The following NFYC variants were observed in gnomAD, a reference collection of about 807,000 sequenced individuals.
The protein encoded by NFYC is CAAT box DNA-binding protein subunit C.
A neutral mutation model predicts 53.1 loss-of-function variants in NFYC; 25 were observed. That is an observed-to-expected ratio of 0.47 (90% CI 0.34 to 0.66). The LOEUF (loss-of-function observed/expected upper bound fraction) is 0.66. Ranked by LOEUF, NFYC falls within the 30% of genes least tolerant of loss-of-function variation. NFYC has a pLI of 0.01. For synonymous variants in NFYC, 145 were observed against 152.6 expected, an observed-to-expected ratio of 0.95 and a Z score of 0.37; for missense variants, 260 against 422.7, an observed-to-expected ratio of 0.62 and a Z score of 3.38.
intron 1 of NFYC, among the ~76,000 whole-genome samples, chr1:40,738,485 T>A (rs981392436): frequency 6.6e-6 from 1 of 152,212 alleles, no homozygotes; most frequent in Non-Finnish European, 1.5e-5. Context: ...TTGAAAATTA[T>A]GGGCTAGACT....
intron 6 of NFYC, among the ~76,000 whole-genome samples, chr1:40,759,590 T>TTATATATGTGTGTA (rs1553161311): frequency 1.3e-5 from 2 of 151,664 alleles, no homozygotes; most frequent in African/African-American, 4.8e-5. Context: ...TGTGTGTGTA[T>TTATATATGTGTGTA]TATATATGTG....
chr1:40,737,805 T>G (rs372076684), intron 1 of NFYC, among the ~76,000 whole-genome samples: 1 of 152,162 alleles, frequency 6.6e-6, no homozygotes, highest in East Asian at 1.9e-4. Context: ...TGAGACAGAT[T>G]TGTCTGAGAT....
chr1:40,702,563 G>A (rs1328588840), intron 1 of NFYC, among the ~76,000 whole-genome samples: 1 of 151,950 alleles, frequency 6.6e-6, no homozygotes, highest in Non-Finnish European at 1.5e-5. Flanking sequence ...AGGATGATCT[G>A]GATCCCCTGA....
chr1:40,763,671 G>T (rs1180067739), intron 7 of NFYC, among the ~76,000 whole-genome samples: 2 of 152,136 alleles, frequency 1.3e-5, no homozygotes, highest in Non-Finnish European at 2.9e-5. Flanking sequence ...ATATATATGC[G>T]TGTGTGTGTT....
Position 40,770,753 on chromosome 1 carries a change from C to G in NFYC, c.933C>G (p.Asp311Glu). 1 of 1,613,878 alleles carries G rather than the reference C, an allele frequency of 6.2e-7. No individual in the cohort carries two copies. The highest frequency in any genetic ancestry group is 1.1e-5 in the South Asian group (1 of 91,088). Residue 311 changes from aspartate to glutamate, a missense_variant, in exon 10 of 10, where the codon GAC (aspartate) becomes GAG (glutamate). Transcript: ENST00000447388. This position sits in a 1 kb window ranked among gnomAD's most constrained non-coding sequence, Gnocchi z 5.3. ...AAGTCACCATGCCTGCGGGCCAGGACCTCGCCCAGCCCATGTTCATCCAGT... is the reference window on the plus strand; with the variant it reads ...AAGTCACCATGCCTGCGGGCCAGGAGCTCGCCCAGCCCATGTTCATCCAGT... ...IQQVTMPAGQ[D>E]LAQPMFIQSA... is the part of the protein sequence containing the mutation.
intron 3 of NFYC, among the ~76,000 whole-genome samples, chr1:40,749,343 A>G (rs1385869726): frequency 2.0e-5 from 3 of 152,192 alleles, no homozygotes; most frequent in African/African-American, 7.2e-5. Context: ...TAAGAGTAAG[A>G]AAACACCTTG....
At chr1:40,710,656 C>T (rs1210138572) in intron 1 of NFYC, among the ~76,000 whole-genome samples, 1 of 152,116 alleles carries the variant, frequency 6.6e-6, no homozygotes, top group South Asian at 2.1e-4. Flanking sequence ...TCTCTGGGTA[C>T]GGAAAAGGAG....
At chr1:40,769,332 A>C in intron 8 of NFYC, 24 bp from the exon 9 acceptor site, 1 of 1,613,170 alleles carries the variant, frequency 6.2e-7, no homozygotes, top group East Asian at 2.2e-5. Flanking sequence ...TGACATACCA[A>C]CTCTACCATC....
intron 1 of NFYC, among the ~76,000 whole-genome samples, chr1:40,704,525 G>C (rs1024681592): frequency 6.6e-6 from 1 of 152,224 alleles, no homozygotes; most frequent in Non-Finnish European, 1.5e-5. Flanking sequence ...GCTATAGTAA[G>C]AGTGAATGGA....
chr1:40,700,346 T>C (rs1348443671), intron 1 of NFYC, among the ~76,000 whole-genome samples: 1 of 152,222 alleles, frequency 6.6e-6, no homozygotes, highest in Non-Finnish European at 1.5e-5. Flanking sequence ...TATTTTACTT[T>C]AATTAATTTT....
At chr1:40,726,473 G>A (rs991242153) in intron 1 of NFYC, among the ~76,000 whole-genome samples, 3 of 148,170 alleles carry the variant, frequency 2.0e-5, no homozygotes, top group Non-Finnish European at 4.4e-5. Flanking sequence ...ACAGTGTCAT[G>A]ATCTTGGCTG....
intron 1 of NFYC, among the ~76,000 whole-genome samples, chr1:40,729,049 G>A (rs986202127): frequency 9.2e-5 from 14 of 152,296 alleles, no homozygotes; most frequent in South Asian, 4.1e-4. Context: ...AGTCAACCAC[G>A]CTGTAAACAG....
At chr1:40,747,454 AGT>A in intron 2 of NFYC, 78 bp from the exon 3 acceptor site, 1 of 924,022 alleles carries the variant, frequency 1.1e-6, no homozygotes, top group Admixed American at 1.8e-5. Flanking sequence ...ACCAAGCCAG[AGT>A]GTTTCCTACT....
At chr1:40,701,250 G>A (rs1460583952) in intron 1 of NFYC, among the ~76,000 whole-genome samples, 1 of 151,984 alleles carries the variant, frequency 6.6e-6, no homozygotes, top group Non-Finnish European at 1.5e-5. Context: ...TGAGTAGCTG[G>A]GATTACAGGT....
intron 1 of NFYC, among the ~76,000 whole-genome samples, chr1:40,706,324 C>T (rs936788331): frequency 6.6e-6 from 1 of 152,026 alleles, no homozygotes; most frequent in Non-Finnish European, 1.5e-5. Flanking sequence ...TGTAATATAC[C>T]TAGCACAGAA....
intron 7 of NFYC, among the ~76,000 whole-genome samples, chr1:40,765,840 G>A (rs1646786006): frequency 6.6e-6 from 1 of 152,164 alleles, no homozygotes; most frequent in South Asian, 2.1e-4. Context: ...CCTGAGTTAA[G>A]GCTTTTAGCA....
In NFYC at chr1:40,769,438, G is replaced by T. The variant is rs941693767; in HGVS notation, c.888+23G>T. 8 of 1,612,304 alleles carry T rather than the reference G, an allele frequency of 5.0e-6. No homozygotes were observed. The African/African-American group carries it at 9.3e-5, about 19-fold the overall frequency. On this transcript the variant is annotated intron_variant, in intron 9 of 9. Transcript: ENST00000447388. ...CAGGTAGGGTACCCAACCTGGGCTG[G>T]GCAGAGGGTGAGGATTTGCGGGGCA...
Position 40,767,007 on chromosome 1 carries a change from G to A in NFYC, c.828+304G>A, listed in dbSNP as rs189813991. The A allele has an allele frequency of 2.9e-5, 45 of 1,545,860 alleles. No homozygotes were observed. In the East Asian group the frequency reaches 3.7e-4, roughly 13 times the overall value. On this transcript the variant is annotated intron_variant, in intron 8 of 9. Coordinates refer to ENST00000447388, the MANE Select transcript of NFYC (RefSeq NM_014223.5). The stretch of plus-strand genomic sequence containing the variant: ...CACCCATCAGACCTGGGAAATGTTC[G>A]ACAGATCGCCTGATCGTCAGGCTGT...
At chr1:40,734,972 T>C (rs535514131) in intron 1 of NFYC, 2 of 152,244 alleles carry the variant, frequency 1.3e-5, no homozygotes, top group Admixed American at 1.3e-4. Flanking sequence ...GCCATAACTC[T>C]AAAACCTAAT....
Sources: gnomAD v4.1 joint callset for allele counts (sites outside exome capture counted in the v4.1 genomes callset) on GRCh38, gnomAD v4.1.1 for gene constraint, Gnocchi (gnomAD v3.1) non-coding constraint, MANE v1.5 for transcripts, NCBI Gene and HGNC (gene_info 2026-07-23, HGNC 2026-07-21) for gene names.